The following RAB11FIP4 variants were observed in gnomAD, a reference collection of about 807,000 sequenced individuals.
RAB11FIP4 encodes RAB11 family interacting protein 4.
RAB11FIP4 carries 23 observed loss-of-function variants against 74.3 expected under a neutral mutation model. The ratio of observed to expected loss-of-function variants is 0.31; its 90% CI spans 0.22 to 0.44. RAB11FIP4 has a LOEUF of 0.44. RAB11FIP4 is among the 20% of genes least tolerant of loss of function. The probability of loss-of-function intolerance (pLI) is 1.00; values close to 1 mark genes in which losing one functional copy is unlikely to be tolerated. For missense variants in RAB11FIP4, 630 were observed against 863.9 expected (o/e 0.73, Z 3.39); for synonymous variants, 360 against 359.9 (o/e 1.00, Z 0.00).
At chr17:31,476,331 C>T (rs1219076423) in intron 3 of RAB11FIP4, among the ~76,000 whole-genome samples, 7 of 151,880 alleles carry the variant, frequency 4.6e-5, no homozygotes, top group African/African-American at 1.2e-4. Context: ...ATTACAGGCA[C>T]GTGCCATCAC....
At chr17:31,516,800 G>A (rs2072559941) in intron 3 of RAB11FIP4, among the ~76,000 whole-genome samples, 1 of 152,202 alleles carries the variant, frequency 6.6e-6, no homozygotes, top group Admixed American at 6.5e-5. Flanking sequence ...TCCACGGGAT[G>A]GGAGCAGGCC....
At chr17:31,423,311 T>C (rs1451845173) in intron 1 of RAB11FIP4, among the ~76,000 whole-genome samples, 1 of 152,240 alleles carries the variant, frequency 6.6e-6, no homozygotes, top group Non-Finnish European at 1.5e-5. Context: ...TTTGGAATAC[T>C]GTAAGACACT....
In RAB11FIP4 at chr17:31,431,999, G is replaced by T. The variant is rs139642166; in HGVS notation, c.247+99G>T. On this transcript the variant is annotated intron_variant, in intron 2 of 14. Coordinates refer to ENST00000621161, the MANE Select transcript of RAB11FIP4 (RefSeq NM_032932.6). ...GCCCAGCCTGGATTCCTCCCCACAGGGGTCCCAGAGCCCAGGATGGGCCAG... is the reference window on the plus strand; with the variant it reads ...GCCCAGCCTGGATTCCTCCCCACAGTGGTCCCAGAGCCCAGGATGGGCCAG... 1.7e-5 allele frequency: 15 copies of T among 907,258 alleles called. No homozygotes were observed. The African/African-American group carries it at 1.7e-4, about 10-fold the overall frequency. The allele number at this position is 907,258 out of a possible 1,614,324, so 56.2% of individuals were successfully genotyped here.
intron 1 of RAB11FIP4, among the ~76,000 whole-genome samples, chr17:31,418,332 G>T (rs2071167532): frequency 1.3e-5 from 2 of 152,254 alleles, no homozygotes; most frequent in Admixed American, 1.3e-4. Context: ...AGGTTGCAGT[G>T]AGCCGAGATC....
chr17:31,528,349 A>G, intron 11 of RAB11FIP4, 57 bp from the exon 12 acceptor site: 12 of 1,577,218 alleles, frequency 7.6e-6, no homozygotes, highest in Non-Finnish European at 1.0e-5. Context: ...ACACCCCTGG[A>G]CATAGTGAGC....
chr17:31,533,896 T>TA lies in RAB11FIP4; in HGVS notation c.*2167dup, dbSNP rs975832453. 3 of 152,120 alleles carry TA rather than the reference T, an allele frequency of 2.0e-5. No homozygotes were observed. Among genetic ancestry groups the TA allele is most frequent in the Admixed American group, 1.3e-4 (2 of 15,284 alleles). The allele number at this position is 152,120 out of a possible 1,614,324, so 9.4% of individuals were successfully genotyped here. A position where few individuals can be genotyped will look rare whatever the true frequency, so the allele number is the denominator to read the frequency against. ...GGGCCTCTGGAGCAGGCCTGGCTTT[T>TA]AAATGGGGGGCTGAATTCCAGCTCA... On this transcript the variant is annotated 3_prime_UTR_variant, in exon 15 of 15. Transcript: ENST00000621161.
chr17:31,408,762 T>G (rs2071065516), intron 1 of RAB11FIP4, among the ~76,000 whole-genome samples: 1 of 152,200 alleles, frequency 6.6e-6, no homozygotes, highest in Admixed American at 6.5e-5. Context: ...TGCTGGAACA[T>G]TGGCCACAGG....
At chr17:31,523,713 C>CAA in intron 8 of RAB11FIP4, 102 bp downstream of exon 8, 1 of 1,237,316 alleles carries the variant, frequency 8.1e-7, no homozygotes, top group Non-Finnish European at 1.2e-6. Flanking sequence ...GACCCTGTAC[C>CAA]TGCCTAGGAA....
chr17:31,412,827 G>A (rs2071111082), intron 1 of RAB11FIP4, among the ~76,000 whole-genome samples: 1 of 152,218 alleles, frequency 6.6e-6, no homozygotes, highest in South Asian at 2.1e-4. Context: ...TTCCGTGGTG[G>A]AGAGATTGAC....
At chr17:31,431,153 A>T (rs1399333340) in intron 1 of RAB11FIP4, among the ~76,000 whole-genome samples, 1 of 152,150 alleles carries the variant, frequency 6.6e-6, no homozygotes, top group Non-Finnish European at 1.5e-5. Flanking sequence ...AATTATGATG[A>T]ACCCACCGGG....
intron 3 of RAB11FIP4, among the ~76,000 whole-genome samples, chr17:31,436,315 T>A (rs1251096123): frequency 5.9e-5 from 9 of 152,050 alleles, no homozygotes; most frequent in Non-Finnish European, 1.5e-5. Flanking sequence ...TGTAAGAAAA[T>A]GGTGCTGAAG....
intron 1 of RAB11FIP4, among the ~76,000 whole-genome samples, chr17:31,392,941 G>A (rs1284539113): frequency 6.6e-6 from 1 of 152,200 alleles, no homozygotes; most frequent in Non-Finnish European, 1.5e-5. Context: ...GGGGGGCCTG[G>A]GGCCATGGGC....
chr17:31,402,842 G>T (rs1020735986), intron 1 of RAB11FIP4, among the ~76,000 whole-genome samples: 4 of 151,734 alleles, frequency 2.6e-5, no homozygotes, highest in Non-Finnish European at 5.9e-5. Context: ...AGCCAGGATG[G>T]TCTCGATCTC....
At chr17:31,494,387 AATGT>A (rs1306028490) in intron 3 of RAB11FIP4, among the ~76,000 whole-genome samples, 1 of 146,580 alleles carries the variant, frequency 6.8e-6, no homozygotes, top group Admixed American at 6.9e-5. Context: ...CAAATATGTA[AATGT>A]ATGAAAAGCA....
At position 31,530,351 on chromosome 17, in the gene RAB11FIP4, A is replaced by T. The variant is rs1401190239; in HGVS notation, c.1679A>T (p.Asn560Ile). 1 of 1,614,196 alleles carries T rather than the reference A, an allele frequency of 6.2e-7. No individual in the cohort carries two copies. Among genetic ancestry groups the T allele is most frequent in the East Asian group, 2.2e-5 (1 of 44,894 alleles). ...KQENYKLRDQNDDLNGQILSL... is the reference protein window; with the variant it reads ...KQENYKLRDQIDDLNGQILSL... ...GAGAATTATAAGCTGCGGGATCAGA[A>T]CGACGACTTGAATGGGCAGATTTTG... The change falls in exon 14 of 15, where the codon AAC becomes ATC. Residue 560 changes from asparagine to isoleucine, a missense_variant. Transcript: ENST00000621161.
intron 3 of RAB11FIP4, among the ~76,000 whole-genome samples, chr17:31,491,351 G>A (rs1021478819): frequency 1.3e-5 from 2 of 152,236 alleles, no homozygotes; most frequent in African/African-American, 4.8e-5. Context: ...TGGAGATACA[G>A]CAGTGAACAA....
At chr17:31,395,090 A>T (rs2070916421) in intron 1 of RAB11FIP4, among the ~76,000 whole-genome samples, 1 of 152,174 alleles carries the variant, frequency 6.6e-6, no homozygotes, top group Non-Finnish European at 1.5e-5. Context: ...GTGAACTTAG[A>T]GCTGATTGTC....
rs542588262 is a variant in RAB11FIP4 at position 31,520,577 on chromosome 17, G to A, written c.564-589G>A. 2.0e-5 allele frequency among the ~76,000 whole-genome samples: 3 copies of A among 152,004 alleles called. No individual in the cohort carries two copies. The South Asian group carries it at 6.2e-4, about 32-fold the overall frequency. ...GGCTGGAGTGCAGTGGCACAATCTC[G>A]GCTCACTGCAAGCTCCACCTCCCGG... On this transcript the variant is annotated intron_variant, in intron 4 of 14. Coordinates refer to ENST00000621161, the MANE Select transcript of RAB11FIP4 (RefSeq NM_032932.6).
intron 3 of RAB11FIP4, among the ~76,000 whole-genome samples, chr17:31,487,498 G>T (rs1398173082): frequency 6.6e-6 from 1 of 151,940 alleles, no homozygotes; most frequent in Non-Finnish European, 1.5e-5. Context: ...TTGCCGCTTG[G>T]TTCTTTGTGT....
Sources: allele counts gnomAD v4.1 joint callset (sites outside exome capture counted in the v4.1 genomes callset), GRCh38; gene constraint gnomAD v4.1.1; transcripts MANE v1.5; gene names NCBI Gene and HGNC (gene_info 2026-07-23, HGNC 2026-07-21).